Variants in NOC3L observed in about 807,000 individuals in gnomAD.
NOC3L encodes nucleolar complex protein 3 homolog.
A neutral mutation model predicts 102.5 loss-of-function variants in NOC3L; 85 were observed. The ratio of observed to expected loss-of-function variants is 0.83; its 90% CI spans 0.70 to 0.99. The LOEUF is 0.99. Ranked by LOEUF, NOC3L falls within the 50% of genes least tolerant of loss-of-function variation. NOC3L has a pLI of 0.00. For missense variants in NOC3L, 878 were observed against 914.9 expected (o/e 0.96, Z 0.52); for synonymous variants, 303 against 309.4 (o/e 0.98, Z 0.22).
At chr10:94,323,490 T>C in the NOC3L span, among the ~76,000 whole-genome samples, 2 of 152,212 alleles carry the variant, frequency 1.3e-5, no homozygotes, top group Non-Finnish European at 2.9e-5. Flanking sequence ...GCCCCTACCA[T>C]ATCTGATTTC....
intron 6 of NOC3L, among the ~76,000 whole-genome samples, chr10:94,354,742 A>T (rs2054462564): frequency 6.6e-6 from 1 of 152,238 alleles, no homozygotes; most frequent in South Asian, 2.1e-4. Flanking sequence ...GGAGAATAAG[A>T]TTCAGAGAGT....
intron 4 of NOC3L, 59 bp downstream of exon 4, chr10:94,357,115 A>C: frequency 7.9e-7 from 1 of 1,266,062 alleles, no homozygotes; most frequent in Non-Finnish European, 1.1e-6. Context: ...GTGAAAAAAA[A>C]ACATGATATC....
At chr10:94,357,043 GC>G in intron 4 of NOC3L, 130 bp downstream of exon 4, 1 of 628,870 alleles carries the variant, frequency 1.6e-6, no homozygotes, top group Non-Finnish European at 2.5e-6. Context: ...CATCAAGCTT[GC>G]TATAAGACTA....
chr10:94,348,607 T>TTA (rs992556802), intron 10 of NOC3L, among the ~76,000 whole-genome samples: 10 of 151,734 alleles, frequency 6.6e-5, no homozygotes, highest in Admixed American at 6.6e-4. Flanking sequence ...TAAAAAAAGT[T>TTA]TATATATATA....
At chr10:94,350,822 T>C (rs549674563) in intron 8 of NOC3L, among the ~76,000 whole-genome samples, 29 of 151,898 alleles carry the variant, frequency 1.9e-4, no homozygotes, top group South Asian at 1.5e-3. Context: ...TAGGAGTCAA[T>C]TGAGCATTTG....
the NOC3L span, among the ~76,000 whole-genome samples, chr10:94,326,497 C>A: frequency 6.6e-6 from 1 of 152,200 alleles, no homozygotes; most frequent in African/African-American, 2.4e-5. Flanking sequence ...ATGTTATACA[C>A]ACCTCTATAA....
the NOC3L span, among the ~76,000 whole-genome samples, chr10:94,320,608 G>C: frequency 6.6e-6 from 1 of 152,196 alleles, no homozygotes; most frequent in South Asian, 2.1e-4. Context: ...GGAGAGATGA[G>C]GCTAGAATTC....
Position 94,339,751 on chromosome 10 carries a change from T to G in NOC3L, c.1950A>C (p.Arg650Ser), listed in dbSNP as rs546119867. The part of the protein sequence containing the change: ...NSSIGILATT[R>S]ILMHTFPKTD... The stretch of plus-strand genomic sequence containing the variant: ...TATCACTACTTACATGCATTAATAT[T>G]CTGGTAGTTGCTAAAATGCCAATAC... Residue 650 changes from arginine (R) to serine (S), a missense_variant, in exon 17 of 21, where the codon AGA becomes AGC. Coordinates refer to ENST00000371361, the MANE Select transcript of NOC3L (RefSeq NM_022451.11). The G allele has an allele frequency of 1.2e-6, 2 of 1,613,782 alleles. No homozygotes were observed. Among genetic ancestry groups the G allele is most frequent in the Non-Finnish European group, 1.7e-6 (2 of 1,179,770 alleles).
chr10:94,354,866 C>T, intron 6 of NOC3L, 97 bp downstream of exon 6: 1 of 1,227,458 alleles, frequency 8.1e-7, no homozygotes, highest in Non-Finnish European at 1.1e-6. Context: ...AATGCTTTTC[C>T]TTTTAGTGTA....
At chr10:94,359,364 T>C (rs1422216538) in intron 2 of NOC3L, among the ~76,000 whole-genome samples, 1 of 151,694 alleles carries the variant, frequency 6.6e-6, no homozygotes, top group African/African-American at 2.4e-5. Flanking sequence ...AGGCAGAGAT[T>C]GCAATGAGCA....
the NOC3L span, chr10:94,325,128 C>CT: frequency 6.6e-7 from 1 of 1,507,146 alleles, no homozygotes; most frequent in African/African-American, 1.4e-5. Flanking sequence ...TTGCACCATC[C>CT]TGGAACAGGG....
At chr10:94,345,447 T>A (rs1376092487) in intron 11 of NOC3L, among the ~76,000 whole-genome samples, 2 of 152,072 alleles carry the variant, frequency 1.3e-5, no homozygotes, top group Non-Finnish European at 2.9e-5. Flanking sequence ...CAATAAAATA[T>A]CCTTTTTTTT....
chr10:94,359,649 C>T (rs1214143793), intron 2 of NOC3L, among the ~76,000 whole-genome samples: 1 of 152,096 alleles, frequency 6.6e-6, no homozygotes, highest in Non-Finnish European at 1.5e-5. Flanking sequence ...TGCTCAACAT[C>T]ATTGATCATC....
In NOC3L at chr10:94,357,295, G is replaced by A. The variant is rs1564918171; in HGVS notation, c.387C>T (p.Arg129=). The part of the protein sequence containing the change: ...PVHAKKRKHE[R]IIDKYEKIPR... ...GTATTTTTTCATATTTATCTATAAT[G>A]CGTTCATGCTTCCGTTTCTTCGCAT... Residue 129 remains arginine, a synonymous_variant, in exon 4 of 21, where the codon CGC becomes CGT. Transcript: ENST00000371361. 8 of 1,601,586 alleles carry A rather than the reference G, an allele frequency of 5.0e-6. No homozygotes were observed. The East Asian group carries it at 1.8e-4, about 36-fold the overall frequency.
intron 8 of NOC3L, 120 bp from the exon 9 acceptor site, chr10:94,350,408 C>A: frequency 1.2e-6 from 1 of 861,634 alleles, no homozygotes; most frequent in Non-Finnish European, 1.8e-6. Flanking sequence ...ATTCCCACAC[C>A]CCTTAAAAAA....
chr10:94,354,605 G>A (rs777549420), intron 6 of NOC3L, among the ~76,000 whole-genome samples: 6 of 152,048 alleles, frequency 3.9e-5, no homozygotes, highest in African/African-American at 1.2e-4. Flanking sequence ...CCTGTAGCGC[G>A]CTTTTTAAAA....
chr10:94,340,247 T>A (rs1196510059), intron 16 of NOC3L, 29 bp downstream of exon 16: 1 of 1,543,448 alleles, frequency 6.5e-7, no homozygotes, highest in Non-Finnish European at 8.9e-7. Context: ...TAAATACATA[T>A]AAAAGAAACA....
chr10:94,320,528 C>G, the NOC3L span, among the ~76,000 whole-genome samples: 5 of 152,184 alleles, frequency 3.3e-5, no homozygotes, highest in South Asian at 1.0e-3. Context: ...GTTGGAACTT[C>G]CAAGATAGCG....
chr10:94,321,661 G>C, the NOC3L span, among the ~76,000 whole-genome samples: 1 of 150,720 alleles, frequency 6.6e-6, no homozygotes, highest in African/African-American at 2.4e-5. Context: ...CAGCTAATAG[G>C]AGCAGATAAA....
Sources: gnomAD v4.1 joint callset for allele counts (sites outside exome capture counted in the v4.1 genomes callset) on GRCh38, gnomAD v4.1.1 for gene constraint, MANE v1.5 for transcripts, NCBI Gene and HGNC (gene_info 2026-07-23, HGNC 2026-07-21) for gene names.